Variants in PRR5L observed in about 807,000 individuals in gnomAD.
PRR5L encodes proline-rich protein 5-like.
In PRR5L, 21 loss-of-function variants were observed where a neutral mutation model predicts 36.4. The ratio of observed to expected loss-of-function variants is 0.58; its 90% CI spans 0.41 to 0.83. The LOEUF is 0.83. Among genes scored for constraint, PRR5L ranks in the 40% least tolerant of loss-of-function variants. The pLI, the probability that PRR5L is intolerant of heterozygous loss-of-function variation, is 0.00. For missense variants in PRR5L, 381 were observed against 473.3 expected (o/e 0.80, Z 1.81); for synonymous variants, 188 against 197.0 (o/e 0.95, Z 0.38).
At chr11:36,462,073 T>G (rs1859197193) in intron 8 of PRR5L, among the ~76,000 whole-genome samples, 1 of 152,206 alleles carries the variant, frequency 6.6e-6, no homozygotes. Context: ...CCAGATTCCC[T>G]TGACTCTTAT....
chr11:36,418,960 A>G (rs1043718803), intron 3 of PRR5L, among the ~76,000 whole-genome samples: 1 of 152,168 alleles, frequency 6.6e-6, no homozygotes, highest in Non-Finnish European at 1.5e-5. Flanking sequence ...TGCTTCATAT[A>G]AAGTCAGGTG....
intron 1 of PRR5L, chr11:36,388,348 T>C (rs558932884): frequency 1.3e-5 from 2 of 152,296 alleles, no homozygotes; most frequent in African/African-American, 4.8e-5. Flanking sequence ...TTTGAAGAAA[T>C]CATATGACCT....
In PRR5L at chr11:36,321,672, G is replaced by A. The variant is rs767964512; in HGVS notation, c.-126+25234G>A. 6 of 152,200 alleles carry A rather than the reference G, an allele frequency of 3.9e-5. No individual in the cohort carries two copies. In the East Asian group the frequency reaches 7.7e-4, roughly 20 times the overall value. 9.4% of individuals were successfully genotyped at this position (152,200 alleles called of 1,614,324 possible). A position where few individuals can be genotyped will look rare whatever the true frequency, so the allele number is the denominator to read the frequency against. The stretch of plus-strand genomic sequence containing the variant: ...TTCACCGCCTCTGCTTTAATCCTCC[G>A]TGTTGTCGCTAAGTCCCTGTATTAA... On this transcript the variant is annotated intron_variant, in intron 1 of 8. Transcript: ENST00000530639.
chr11:36,399,545 C>T (rs1054076373), intron 1 of PRR5L, among the ~76,000 whole-genome samples: 5 of 152,204 alleles, frequency 3.3e-5, no homozygotes, highest in Admixed American at 6.5e-5. Context: ...CTGCAAAAAT[C>T]TTCTCCCCTG....
intron 1 of PRR5L, among the ~76,000 whole-genome samples, chr11:36,339,283 A>G (rs1159169283): frequency 6.6e-6 from 1 of 152,290 alleles, no homozygotes; most frequent in East Asian, 1.9e-4. Context: ...TAGTAGAGAC[A>G]TGGTTTTGCC....
chr11:36,433,644 G>C (rs1180021202), intron 5 of PRR5L, among the ~76,000 whole-genome samples: 1 of 152,160 alleles, frequency 6.6e-6, no homozygotes, highest in Non-Finnish European at 1.5e-5. Flanking sequence ...CCACCTCCCA[G>C]GTTCAAGTGA....
rs1321563545 is a variant in PRR5L, at chr11:36,377,087, G to A, written c.-125-23910G>A. Among the ~76,000 whole-genome samples the A allele has an allele frequency of 1.3e-5, 2 of 152,196 alleles. No homozygotes were observed. The highest frequency in any genetic ancestry group is 2.1e-4 in the South Asian group (1 of 4,832). ...GAAAGTCGGCTTGTTTGACTCTCTC[G>A]TTCTCCCTCTGGGGGGCAAATCTAA... On this transcript the variant is annotated intron_variant, in intron 1 of 8. Transcript: ENST00000530639. The surrounding 1 kb of genome is among the most constrained non-coding windows in gnomAD (Gnocchi z 5.1).
intron 1 of PRR5L, among the ~76,000 whole-genome samples, chr11:36,393,156 C>T (rs1397136763): frequency 6.6e-6 from 1 of 152,026 alleles, no homozygotes; most frequent in Non-Finnish European, 1.5e-5. Context: ...TGATTGGTAT[C>T]TTTTGCTGGG....
intron 1 of PRR5L, among the ~76,000 whole-genome samples, chr11:36,392,955 C>T (rs536474262): frequency 6.6e-6 from 1 of 152,290 alleles, no homozygotes; most frequent in African/African-American, 2.4e-5. Context: ...TTTCATATAC[C>T]TGTTTGCCAT....
At chr11:36,371,486 CTG>C (rs1308542260) in intron 1 of PRR5L, among the ~76,000 whole-genome samples, 1 of 152,206 alleles carries the variant, frequency 6.6e-6, no homozygotes, top group Non-Finnish European at 1.5e-5. Context: ...ACCTGAAAAA[CTG>C]TGTGTTCTTA....
At chr11:36,413,551 A>C (rs1858072513) in intron 3 of PRR5L, among the ~76,000 whole-genome samples, 1 of 151,968 alleles carries the variant, frequency 6.6e-6, no homozygotes, top group Non-Finnish European at 1.5e-5. Flanking sequence ...GTATCCCAGA[A>C]ACCAGTTTTC....
At chr11:36,340,224 A>G (rs1856805543) in intron 1 of PRR5L, among the ~76,000 whole-genome samples, 2 of 152,224 alleles carry the variant, frequency 1.3e-5, no homozygotes, top group Non-Finnish European at 2.9e-5. Flanking sequence ...GCATTTGCAA[A>G]TTAGATGTCA....
chr11:36,351,973 T>C (rs1415434747), intron 1 of PRR5L, among the ~76,000 whole-genome samples: 1 of 151,806 alleles, frequency 6.6e-6, no homozygotes, highest in Non-Finnish European at 1.5e-5. Context: ...ATGGTAGTTC[T>C]ACTTTTAGTT....
At chr11:36,414,731 T>A (rs1456357389) in intron 3 of PRR5L, among the ~76,000 whole-genome samples, 1 of 148,156 alleles carries the variant, frequency 6.7e-6, no homozygotes, top group African/African-American at 2.5e-5. Flanking sequence ...ATCCCATTTG[T>A]CAATTTTGGC....
At chr11:36,337,349 C>A (rs1856778454) in intron 1 of PRR5L, among the ~76,000 whole-genome samples, 1 of 152,198 alleles carries the variant, frequency 6.6e-6, no homozygotes, top group Admixed American at 6.5e-5. Context: ...CGTGAGGACT[C>A]AGCAAAAGGT....
At chr11:36,366,592 A>C (rs1319749073) in intron 1 of PRR5L, among the ~76,000 whole-genome samples, 2 of 152,210 alleles carry the variant, frequency 1.3e-5, no homozygotes, top group Non-Finnish European at 2.9e-5. Flanking sequence ...TTTAGGTAGA[A>C]AGTCCTAGAA....
At chr11:36,301,750 A>C (rs1856379405) in intron 1 of PRR5L, among the ~76,000 whole-genome samples, 2 of 152,248 alleles carry the variant, frequency 1.3e-5, no homozygotes, top group Admixed American at 1.3e-4. Flanking sequence ...GCAATGGAGC[A>C]GGAAGACCCT....
At chr11:36,388,994 C>T (rs762966645) in intron 1 of PRR5L, among the ~76,000 whole-genome samples, 11 of 150,976 alleles carry the variant, frequency 7.3e-5, no homozygotes, top group Non-Finnish European at 1.3e-4. Context: ...CCACCACGAT[C>T]GGCTCAAGGT....
chr11:36,354,343 G>T (rs1018964948), intron 1 of PRR5L, among the ~76,000 whole-genome samples: 1 of 152,134 alleles, frequency 6.6e-6, no homozygotes, highest in East Asian at 1.9e-4. Flanking sequence ...ACAAAGTTGT[G>T]CTCCAGGCAA....
Sources: gnomAD v4.1 joint callset for allele counts (sites outside exome capture counted in the v4.1 genomes callset) on GRCh38, gnomAD v4.1.1 for gene constraint, Gnocchi (gnomAD v3.1) non-coding constraint, MANE v1.5 for transcripts, NCBI Gene and HGNC (gene_info 2026-07-23, HGNC 2026-07-21) for gene names.